The following NR2F1-AS1 variants were observed in gnomAD, a reference collection of about 807,000 sequenced individuals.
NR2F1-AS1 encodes NR2F1 regulatory antisense RNA 1, also known as NR2F1 antisense RNA 1.
At chr5:93,582,533 T>C (rs975306793), upstream of NR2F1-AS1, among the ~76,000 whole-genome samples, 2 of 152,212 alleles carry the variant, frequency 1.3e-5, no homozygotes, top group African/African-American at 4.8e-5. Flanking sequence ...TGTGCTTATA[T>C]GTGAGAGAAG....
At chr5:93,434,942 C>T (rs896469718) in intron 4 of NR2F1-AS1, among the ~76,000 whole-genome samples, 1 of 152,188 alleles carries the variant, frequency 6.6e-6, no homozygotes, top group Non-Finnish European at 1.5e-5. Flanking sequence ...CAATTATTGG[C>T]AATGTTAATT....
Position 93,473,291 on chromosome 5 carries a change from G to T in NR2F1-AS1, n.639-77749C>A, listed in dbSNP as rs189429708. On this transcript the variant is annotated intron_variant and non_coding_transcript_variant, in intron 4 of 5. Coordinates refer to ENST00000660523, the Ensembl canonical transcript of NR2F1-AS1. ...CCAGAGTTTCTTTCTGAGTAATAAA[G>T]ATATGAATTATTCTTTTCTGCCAAT... Among the ~76,000 whole-genome samples, 9 of 151,944 alleles carry T rather than the reference G, an allele frequency of 5.9e-5. No individual in the cohort carries two copies. The East Asian group carries it at 1.5e-3, about 26-fold the overall frequency.
intron 4 of NR2F1-AS1, among the ~76,000 whole-genome samples, chr5:93,551,556 GC>G (rs1304007463): frequency 1.3e-5 from 2 of 151,948 alleles, no homozygotes; most frequent in Non-Finnish European, 2.9e-5. Context: ...GCCATTATAA[GC>G]TTTTTCATCA....
chr5:93,417,896 T>A (rs1162264408), intron 4 of NR2F1-AS1, among the ~76,000 whole-genome samples: 1 of 152,162 alleles, frequency 6.6e-6, no homozygotes, highest in African/African-American at 2.4e-5. Context: ...GTCATCACCA[T>A]ACTGAAAATA....
At chr5:93,574,774 A>G (rs554580218) in intron 1 of NR2F1-AS1, among the ~76,000 whole-genome samples, 245 of 152,240 alleles carry the variant, frequency 1.6e-3, no homozygotes, top group Non-Finnish European at 2.9e-3. Context: ...CAGTGAGTGG[A>G]AAAAATGTGT....
At chr5:93,509,720 G>T (rs771653808) in intron 4 of NR2F1-AS1, among the ~76,000 whole-genome samples, 22 of 151,856 alleles carry the variant, frequency 1.4e-4, no homozygotes, top group South Asian at 1.0e-3. Context: ...GTTAATATTG[G>T]TTAGTCTGCT....
At chr5:93,531,825 G>C (rs1220832049) in intron 4 of NR2F1-AS1, among the ~76,000 whole-genome samples, 1 of 152,146 alleles carries the variant, frequency 6.6e-6, no homozygotes, top group Non-Finnish European at 1.5e-5. Context: ...AATAACCAAT[G>C]AACTGAAACA....
chr5:93,542,310 A>G (rs985565628), intron 4 of NR2F1-AS1: 1 of 152,042 alleles, frequency 6.6e-6, no homozygotes, highest in African/African-American at 2.4e-5. Context: ...TATCTTCTTG[A>G]ACTTCTATTT....
At chr5:93,443,202 C>G (rs1406253033) in intron 4 of NR2F1-AS1, among the ~76,000 whole-genome samples, 2 of 152,152 alleles carry the variant, frequency 1.3e-5, no homozygotes, top group African/African-American at 4.8e-5. Context: ...ATGACTTTGA[C>G]GAGTTGAGAG....
intron 4 of NR2F1-AS1, among the ~76,000 whole-genome samples, chr5:93,510,339 T>C (rs751724925): frequency 2.4e-4 from 36 of 152,198 alleles, no homozygotes; most frequent in African/African-American, 7.0e-4. Flanking sequence ...CAAATGCATA[T>C]GTAATAAGTT....
intron 4 of NR2F1-AS1, among the ~76,000 whole-genome samples, chr5:93,483,481 G>A (rs947917484): frequency 6.6e-6 from 1 of 152,128 alleles, no homozygotes; most frequent in African/African-American, 2.4e-5. Context: ...ATAAATTCAT[G>A]AAGATAAGGA....
At chr5:93,533,781 G>A (rs1173617595) in intron 4 of NR2F1-AS1, among the ~76,000 whole-genome samples, 4 of 152,174 alleles carry the variant, frequency 2.6e-5, no homozygotes, top group South Asian at 4.1e-4. Context: ...TCTCTAGTAA[G>A]AGAAAGGCTT....
At chr5:93,501,824 C>T (rs1311247571) in intron 4 of NR2F1-AS1, among the ~76,000 whole-genome samples, 3 of 152,144 alleles carry the variant, frequency 2.0e-5, no homozygotes, top group Non-Finnish European at 2.9e-5. Flanking sequence ...TCTATTGTGG[C>T]ATAAAATGCT....
At chr5:93,528,745 G>T (rs1160390200) in intron 4 of NR2F1-AS1, among the ~76,000 whole-genome samples, 1 of 152,140 alleles carries the variant, frequency 6.6e-6, no homozygotes, top group Non-Finnish European at 1.5e-5. Context: ...CATGTCCTTT[G>T]CAGGGACATG....
intron 4 of NR2F1-AS1, among the ~76,000 whole-genome samples, chr5:93,487,659 C>T (rs1313714087): frequency 6.6e-6 from 1 of 152,120 alleles, no homozygotes; most frequent in Non-Finnish European, 1.5e-5. Flanking sequence ...ATGAAAATGG[C>T]CACAATGCCC....
At chr5:93,463,558 C>T (rs542937452) in intron 4 of NR2F1-AS1, among the ~76,000 whole-genome samples, 34 of 152,202 alleles carry the variant, frequency 2.2e-4, no homozygotes, top group African/African-American at 6.3e-4. Context: ...GTAGATCCAC[C>T]GACAGCTTGC....
chr5:93,540,719 A>AT (rs762906253), intron 4 of NR2F1-AS1, among the ~76,000 whole-genome samples: 2 of 152,264 alleles, frequency 1.3e-5, no homozygotes, highest in South Asian at 4.1e-4. Flanking sequence ...ATAAAGAAGA[A>AT]TTTTTCCCTT....
At chr5:93,428,635 C>A (rs1294967292) in intron 4 of NR2F1-AS1, among the ~76,000 whole-genome samples, 2 of 152,022 alleles carry the variant, frequency 1.3e-5, no homozygotes, top group South Asian at 4.1e-4. Context: ...TTCTGATGTA[C>A]CCAGGTAGAC....
intron 4 of NR2F1-AS1, among the ~76,000 whole-genome samples, chr5:93,428,249 G>A (rs1043582802): frequency 6.6e-6 from 1 of 152,058 alleles, no homozygotes; most frequent in Non-Finnish European, 1.5e-5. Context: ...TGGAAAAGGA[G>A]GTACAGCAAA....
Sources: gnomAD v4.1 joint callset for allele counts (sites outside exome capture counted in the v4.1 genomes callset) on GRCh38, gnomAD v4.1.1 for gene constraint, MANE v1.5 for transcripts, NCBI Gene and HGNC (gene_info 2026-07-23, HGNC 2026-07-21) for gene names.